The following EYA4 variants were observed in gnomAD, a reference collection of about 807,000 sequenced individuals.
The protein encoded by EYA4 is protein phosphatase EYA4.
Under a neutral mutation model 87.9 loss-of-function variants are expected in EYA4, and 31 were observed. The observed-to-expected ratio is 0.35, with a 90% confidence interval of 0.27 to 0.48. EYA4 has a LOEUF of 0.48. Among genes scored for constraint, EYA4 ranks in the 20% least tolerant of loss-of-function variants. The pLI is 0.99. For missense variants in EYA4, 678 were observed against 761.4 expected, an observed-to-expected ratio of 0.89 and a Z score of 1.29; for synonymous variants, 263 against 270.6, an observed-to-expected ratio of 0.97 and a Z score of 0.28.
intron 1 of EYA4, 31 bp downstream of exon 1, chr6:133,241,780 C>T (rs1773957882): frequency 6.6e-6 from 1 of 152,356 alleles, no homozygotes; most frequent in Non-Finnish European, 1.5e-5. Context: ...ACCCCCGCCC[C>T]AGGGCTCCCG....
intron 3 of EYA4, among the ~76,000 whole-genome samples, chr6:133,434,582 A>C (rs900818111): frequency 2.6e-5 from 4 of 152,236 alleles, no homozygotes; most frequent in African/African-American, 9.6e-5. Context: ...AGAGTTTAAA[A>C]TTCAGGTTTT....
At chr6:133,458,743 C>T (rs1037999455) in intron 6 of EYA4, among the ~76,000 whole-genome samples, 6 of 152,158 alleles carry the variant, frequency 3.9e-5, no homozygotes, top group African/African-American at 1.4e-4. Flanking sequence ...CCACCCACTT[C>T]TCATCCCATT....
chr6:133,321,137 G>A (rs1398086380), intron 2 of EYA4, among the ~76,000 whole-genome samples: 1 of 152,160 alleles, frequency 6.6e-6, no homozygotes, highest in Non-Finnish European at 1.5e-5. Flanking sequence ...CAGTCTGTCG[G>A]TTGGTCCTTT....
At chr6:133,474,037 T>C (rs1263605742) in intron 11 of EYA4, among the ~76,000 whole-genome samples, 2 of 152,050 alleles carry the variant, frequency 1.3e-5, no homozygotes, top group Non-Finnish European at 2.9e-5. Context: ...GAAGGAGATA[T>C]TTCACGACCT....
intron 2 of EYA4, among the ~76,000 whole-genome samples, chr6:133,332,454 C>T (rs1444681052): frequency 6.6e-6 from 1 of 152,168 alleles, no homozygotes; most frequent in East Asian, 1.9e-4. Context: ...CCTGTGCCTT[C>T]TCCTCGGCCT....
intron 1 of EYA4, among the ~76,000 whole-genome samples, chr6:133,253,087 C>T (rs985200527): frequency 6.6e-6 from 1 of 151,612 alleles, no homozygotes; most frequent in Non-Finnish European, 1.5e-5. Context: ...TGTGTTTGAC[C>T]AAAATATTTT....
chr6:133,470,031 G>T (rs946656193), intron 11 of EYA4, among the ~76,000 whole-genome samples: 5 of 150,076 alleles, frequency 3.3e-5, no homozygotes, highest in Non-Finnish European at 5.9e-5. Context: ...TTTCTCCCAT[G>T]TTGTAGGTTG....
chr6:133,356,267 C>T (rs1784024348), intron 2 of EYA4, among the ~76,000 whole-genome samples: 2 of 152,076 alleles, frequency 1.3e-5, no homozygotes, highest in African/African-American at 4.8e-5. Flanking sequence ...ACATTCAGCC[C>T]ATAACGAACA....
chr6:133,491,818 G>A (rs1797182913), intron 13 of EYA4, among the ~76,000 whole-genome samples: 1 of 151,930 alleles, frequency 6.6e-6, no homozygotes, highest in African/African-American at 2.4e-5. Context: ...CAGGCATGGT[G>A]GCGGGTGCCT....
intron 2 of EYA4, among the ~76,000 whole-genome samples, chr6:133,362,814 T>G (rs991480391): frequency 6.6e-6 from 1 of 152,214 alleles, no homozygotes. Context: ...AACTGTTCTC[T>G]CCCTCTCTGC....
At chr6:133,523,685 GCAAT>G (rs1220982865) in intron 18 of EYA4, among the ~76,000 whole-genome samples, 1 of 152,116 alleles carries the variant, frequency 6.6e-6, no homozygotes, top group Non-Finnish European at 1.5e-5. Context: ...ATGTGCAGTA[GCAAT>G]CAAAGAACCA....
At chr6:133,331,023 A>AT (rs1345136577) in intron 2 of EYA4, among the ~76,000 whole-genome samples, 2 of 138,724 alleles carry the variant, frequency 1.4e-5, no homozygotes, top group African/African-American at 2.8e-5. Flanking sequence ...GTATAACCAA[A>AT]CGGGTTTTTT....
At chr6:133,306,104 T>C (rs1779784886) in intron 2 of EYA4, among the ~76,000 whole-genome samples, 1 of 152,184 alleles carries the variant, frequency 6.6e-6, no homozygotes, top group Non-Finnish European at 1.5e-5. Context: ...TCTGTGATGC[T>C]TCTGGTTCCT....
intron 14 of EYA4, among the ~76,000 whole-genome samples, chr6:133,511,937 C>T (rs1426801450): frequency 7.3e-5 from 11 of 151,310 alleles, no homozygotes; most frequent in East Asian, 5.8e-4. Flanking sequence ...GCCGAGATCG[C>T]GCCACTGCAC....
chr6:133,486,646 G>A (rs1796710873), intron 13 of EYA4, among the ~76,000 whole-genome samples: 1 of 152,188 alleles, frequency 6.6e-6, no homozygotes, highest in South Asian at 2.1e-4. Flanking sequence ...ATGTGACTGA[G>A]GAAGTGACAT....
At chr6:133,388,509 T>C (rs1023916831) in intron 3 of EYA4, among the ~76,000 whole-genome samples, 1 of 152,102 alleles carries the variant, frequency 6.6e-6, no homozygotes. Flanking sequence ...GAACTCCTGG[T>C]AACTTATCTT....
chr6:133,529,243 G>T lies in EYA4; in HGVS notation c.*438G>T. On this transcript the variant is annotated 3_prime_UTR_variant, in exon 20 of 20. Coordinates refer to ENST00000355286, the MANE Select transcript of EYA4 (RefSeq NM_004100.5). ...TAACCCAGAAAATCTGAATTGGAAT[G>T]CACTCAGACTGTATAAGGACAGTCC... 8.9e-7 allele frequency: 1 copy of T among 1,124,824 alleles called. No individual in the cohort carries two copies. 69.7% of individuals were successfully genotyped at this position (1,124,824 alleles called of 1,614,324 possible). A position where few individuals can be genotyped will look rare whatever the true frequency, so the allele number is the denominator to read the frequency against.
intron 2 of EYA4, among the ~76,000 whole-genome samples, chr6:133,379,457 T>C (rs553167100): frequency 6.6e-6 from 1 of 152,222 alleles, no homozygotes; most frequent in South Asian, 2.1e-4. Flanking sequence ...CTCCTCTACC[T>C]TAATTCAGAA....
intron 13 of EYA4, among the ~76,000 whole-genome samples, chr6:133,487,977 C>T (rs1170928403): frequency 6.6e-6 from 1 of 152,118 alleles, no homozygotes; most frequent in Non-Finnish European, 1.5e-5. Flanking sequence ...CATTTCTGCA[C>T]CTGCCTTAGG....
Sources: gnomAD v4.1 joint callset for allele counts (sites outside exome capture counted in the v4.1 genomes callset) on GRCh38, gnomAD v4.1.1 for gene constraint, MANE v1.5 for transcripts, NCBI Gene and HGNC (gene_info 2026-07-23, HGNC 2026-07-21) for gene names.